Variants in A3GALT2 observed in about 807,000 individuals in gnomAD.
The protein encoded by A3GALT2 is alpha-1,3-galactosyltransferase 2.
A neutral mutation model predicts 16.6 loss-of-function variants in A3GALT2; 14 were observed. The ratio of observed to expected loss-of-function variants is 0.84; its 90% CI spans 0.56 to 1.32. A3GALT2 has a LOEUF of 1.32. Ranked by LOEUF, A3GALT2 falls within the 40% of genes most tolerant of loss-of-function variation. A3GALT2 has a pLI of 0.00. For synonymous variants in A3GALT2, 253 were observed against 218.0 expected (o/e 1.16, Z -1.42); for missense variants, 600 against 490.9 (o/e 1.22, Z -2.10).
intron 4 of A3GALT2, 73 bp from the exon 5 acceptor site, chr1:33,307,526 C>G (rs1478687891): frequency 7.9e-7 from 1 of 1,268,964 alleles, no homozygotes. Flanking sequence ...CATCTCACCT[C>G]TACTCCCACC....
chr1:33,319,775 C>G (rs1442908418), intron 1 of A3GALT2, among the ~76,000 whole-genome samples: 1 of 152,186 alleles, frequency 6.6e-6, no homozygotes, highest in Non-Finnish European at 1.5e-5. Context: ...TCCTGGGGCA[C>G]CAGGCTTTCC....
Position 33,320,618 on chromosome 1 carries a change from C to T in A3GALT2, c.23+458G>A, listed in dbSNP as rs1208317604. On this transcript the variant is annotated intron_variant, in intron 1 of 4. Coordinates refer to ENST00000442999, the MANE Select transcript of A3GALT2 (RefSeq NM_001080438.1). This position sits in a 1 kb window ranked among gnomAD's most constrained non-coding sequence, Gnocchi z 4.3. ...GGTCCCTCAAGCTCCACCCTGTGCC[C>T]TGCTCCCCACTCTCGTTGGCTTCAA... 6.6e-6 allele frequency among the ~76,000 whole-genome samples: 1 copy of T among 152,028 alleles called. No homozygotes were observed. The highest frequency in any genetic ancestry group is 1.5e-5 in the Non-Finnish European group (1 of 68,032).
rs779032254 is a variant in A3GALT2 at position 33,307,158 on chromosome 1, C to T, written c.631G>A (p.Glu211Lys). Residue 211 changes from glutamate to lysine, a missense_variant, in exon 5 of 5, where the codon GAG becomes AAG. Physicochemically the swap from Glu to Lys is moderately conservative, Grantham distance 56. Transcript: ENST00000442999. The stretch of plus-strand genomic sequence containing the variant: ...TGCGCCACCGACTCGGCCAGCGCCT[C>T]GGGCCCAAAAGTGCCGCTGAAGTGC... ...DQHFSGTFGP[E>K]ALAESVAQLH... The T allele has an allele frequency of 2.4e-5, 38 of 1,553,640 alleles. No individual in the cohort carries two copies. The highest frequency in any genetic ancestry group is 2.4e-5 in the South Asian group (2 of 83,558).
intron 4 of A3GALT2, among the ~76,000 whole-genome samples, chr1:33,309,890 C>T (rs1365709464): frequency 1.3e-5 from 2 of 152,220 alleles, no homozygotes; most frequent in African/African-American, 4.8e-5. Context: ...CTCCTCACTT[C>T]CCAGATGGGG....
intron 1 of A3GALT2, among the ~76,000 whole-genome samples, chr1:33,319,397 C>G (rs1477981120): frequency 6.6e-6 from 1 of 152,150 alleles, no homozygotes; most frequent in African/African-American, 2.4e-5. Flanking sequence ...AGGCTTGGAG[C>G]AGATCTCAGT....
chr1:33,310,267 C>T lies in A3GALT2; in HGVS notation c.335+1785G>A, dbSNP rs953596505. Among the ~76,000 whole-genome samples, 13 of 152,108 alleles carry T rather than the reference C, an allele frequency of 8.5e-5. No homozygotes were observed. The South Asian group carries it at 1.5e-3, about 17-fold the overall frequency. On this transcript the variant is annotated intron_variant, in intron 4 of 4. Transcript: ENST00000442999. ...AGATGGCGGCAGTACAGTCCAGCCTCGGCTCGGCATCAGAGGGAGACCGTG... is the reference window on the plus strand; with the variant it reads ...AGATGGCGGCAGTACAGTCCAGCCTTGGCTCGGCATCAGAGGGAGACCGTG...
chr1:33,318,456 C>T (rs1332704663), intron 1 of A3GALT2, among the ~76,000 whole-genome samples: 1 of 151,950 alleles, frequency 6.6e-6, no homozygotes, highest in Non-Finnish European at 1.5e-5. Context: ...AAGTGGGACC[C>T]CTGCTTTCTC....
In A3GALT2 at chr1:33,306,987, G is replaced by GT. The variant is rs1361128253; in HGVS notation, c.801_802insA (p.Leu268ThrfsTer?). On this transcript the variant is annotated frameshift_variant, in exon 5 of 5. Transcript: ENST00000442999. LOFTEE classifies it low-confidence loss of function (END_TRUNC). ...AGGCCCCCCGCACAGTGCGCCGTCA[G>GT]CCCGCGCAGCGCCGCCACGCTGCCC... 8 of 1,467,214 alleles carry GT rather than the reference G, an allele frequency of 5.5e-6. No homozygotes were observed. In the African/African-American group the frequency reaches 1.0e-4, roughly 19 times the overall value. The allele number at this position is 1,467,214 out of a possible 1,614,324, so 90.9% of individuals were successfully genotyped here.
chr1:33,306,953 T>A lies in A3GALT2; in HGVS notation c.836A>T (p.Asp279Val), dbSNP rs927082515. The A allele has an allele frequency of 4.6e-6, 7 of 1,506,638 alleles. No individual in the cohort carries two copies. In the African/African-American group the frequency reaches 8.7e-5, roughly 19 times the overall value. 93.3% of individuals were successfully genotyped at this position (1,506,638 alleles called of 1,614,324 possible). ...GCGCGCCTCCAGGCCGCGCGCGCGGTCCCAGTCCAGGCCCCCCGCACAGTG... is the reference window on the plus strand; with the variant it reads ...GCGCGCCTCCAGGCCGCGCGCGCGGACCCAGTCCAGGCCCCCCGCACAGTG... The part of the protein sequence containing the change: ...TAHCAGGLDW[D>V]RARGLEARWH... Residue 279 changes from aspartate to valine, a missense_variant, in exon 5 of 5, where the codon GAC becomes GTC. Physicochemically the swap from Asp to Val is radical, Grantham distance 152. Transcript: ENST00000442999.
intron 4 of A3GALT2, among the ~76,000 whole-genome samples, chr1:33,309,878 C>G (rs971395683): frequency 2.0e-5 from 3 of 152,078 alleles, no homozygotes; most frequent in Admixed American, 6.5e-5. Context: ...CAGGCAGAGA[C>G]GCTCCTCACT....
At chr1:33,308,747 G>GTTGTTTTTTTTTTTTTTTTT (rs1646216173) in intron 4 of A3GALT2, among the ~76,000 whole-genome samples, 1 of 67,210 alleles carries the variant, frequency 1.5e-5, no homozygotes, top group African/African-American at 1.1e-4. Context: ...TCATGTCAAA[G>GTTGTTTTTTTTTTTTTTTTT]TTGTTTTTTT....
intron 3 of A3GALT2, 128 bp downstream of exon 3, chr1:33,312,373 G>A (rs938288226): frequency 5.4e-6 from 7 of 1,290,592 alleles, no homozygotes; most frequent in Non-Finnish European, 7.5e-6. Context: ...GCCCGATGGG[G>A]CTGCTGGACT....
At chr1:33,309,751 C>A (rs1408832708) in intron 4 of A3GALT2, among the ~76,000 whole-genome samples, 1 of 151,678 alleles carries the variant, frequency 6.6e-6, no homozygotes, top group Non-Finnish European at 1.5e-5. Flanking sequence ...CGATGGGCGG[C>A]CGGGCAGAGA....
intron 4 of A3GALT2, among the ~76,000 whole-genome samples, chr1:33,308,493 C>T (rs984639315): frequency 4.9e-4 from 74 of 152,128 alleles, no homozygotes; most frequent in Non-Finnish European, 7.1e-4. Context: ...ACAACCTCTG[C>T]CTCCCGGCTT....
chr1:33,318,915 C>T (rs570747804), intron 1 of A3GALT2, among the ~76,000 whole-genome samples: 133 of 152,316 alleles, frequency 8.7e-4, no homozygotes, highest in South Asian at 1.9e-3. Flanking sequence ...AATGAAACAA[C>T]GAATGAGTTA....
chr1:33,308,657 C>T (rs1350198915), intron 4 of A3GALT2, among the ~76,000 whole-genome samples: 2 of 150,502 alleles, frequency 1.3e-5, no homozygotes, highest in African/African-American at 2.5e-5. Flanking sequence ...CCTCCCGTCT[C>T]GGGCCTCCCA....
Position 33,307,087 on chromosome 1 carries a change from GA to G in A3GALT2, c.701del (p.Phe234SerfsTer35). Reference sequence around the variant, plus strand: ...CGGCGGCCGAATGCGCGTCGCGTTCGAAGGGCAGCAGCCACGACGGCCAGTG... The same window carrying G: ...CGGCGGCCGAATGCGCGTCGCGTTCGAGGGCAGCAGCCACGACGGCCAGTG... The part of the protein sequence containing the change: ...HYHWPSWLLP[F>X]ERDAHSAAAM... On this transcript the variant is annotated frameshift_variant, in exon 5 of 5. Coordinates refer to ENST00000442999, the MANE Select transcript of A3GALT2 (RefSeq NM_001080438.1). LOFTEE classifies it low-confidence loss of function (END_TRUNC). 6.6e-7 allele frequency: 1 copy of G among 1,523,204 alleles called. No homozygotes were observed. Among genetic ancestry groups the G allele is most frequent in the Non-Finnish European group, 8.8e-7 (1 of 1,137,716 alleles). 94.4% of individuals were successfully genotyped at this position (1,523,204 alleles called of 1,614,324 possible). A position where few individuals can be genotyped will look rare whatever the true frequency, so the allele number is the denominator to read the frequency against.
rs904466623 is a variant in A3GALT2 at position 33,320,680 on chromosome 1, G to T, written c.23+396C>A. Among the ~76,000 whole-genome samples the T allele has an allele frequency of 6.6e-6, 1 of 152,060 alleles. No homozygotes were observed. Among genetic ancestry groups the T allele is most frequent in the African/African-American group, 2.4e-5 (1 of 41,440 alleles). On this transcript the variant is annotated intron_variant, in intron 1 of 4. Transcript: ENST00000442999. The surrounding 1 kb of genome is among the most constrained non-coding windows in gnomAD (Gnocchi z 4.3). ...AGATCAGCCATTAGGTCTTAAGGGGGCACAGGTTCCTAGTCCTGGACCATC... is the reference window on the plus strand; with the variant it reads ...AGATCAGCCATTAGGTCTTAAGGGGTCACAGGTTCCTAGTCCTGGACCATC...
chr1:33,307,309 C>A lies in A3GALT2; in HGVS notation c.480G>T (p.Val160=), dbSNP rs761572771. ...AGCGCCGCTCGCGCGCCACGCGCTC[C>A]ACGGGCAGCCGGCGTCCCGGGCCCA... ...VALGPGRRLP[V]ERVARERRWQ... Residue 160 remains valine, a synonymous_variant, in exon 5 of 5, where the codon GTG becomes GTT. Transcript: ENST00000442999. The A allele has an allele frequency of 9.4e-6, 14 of 1,494,288 alleles. No homozygotes were observed. The South Asian group carries it at 1.6e-4, about 17-fold the overall frequency. 92.6% of individuals were successfully genotyped at this position (1,494,288 alleles called of 1,614,324 possible). A position where few individuals can be genotyped will look rare whatever the true frequency, so the allele number is the denominator to read the frequency against.
Sources: allele counts gnomAD v4.1 joint callset (sites outside exome capture counted in the v4.1 genomes callset), GRCh38; gene constraint gnomAD v4.1.1; non-coding constraint Gnocchi (gnomAD v3.1); transcripts MANE v1.5; gene names NCBI Gene and HGNC (gene_info 2026-07-23, HGNC 2026-07-21).